Variants in TENM2 observed in about 807,000 individuals in gnomAD.
TENM2 encodes the protein teneurin transmembrane protein 2.
In TENM2, 52 loss-of-function variants were observed where a neutral mutation model predicts 245.2. The ratio of observed to expected loss-of-function variants is 0.21; its 90% CI spans 0.17 to 0.27. The LOEUF (loss-of-function observed/expected upper bound fraction) is 0.27. TENM2 is among the 10% of genes least tolerant of loss of function. The pLI, the probability that TENM2 is intolerant of heterozygous loss-of-function variation, is 1.00. For synonymous variants in TENM2, 1,363 were observed against 1,438.9 expected (o/e 0.95, Z 1.19); for missense variants, 3,046 against 3,666.8 (o/e 0.83, Z 4.37).
intron 24 of TENM2, 72 bp from the exon 27 acceptor site, chr5:168,227,823 G>C (rs1003337589): frequency 1.9e-6 from 2 of 1,031,772 alleles, no homozygotes; most frequent in East Asian, 2.6e-5. Flanking sequence ...AAAAATAGGG[G>C]TTCTATTCTC....
At chr5:167,041,209 C>G in the TENM2 span, among the ~76,000 whole-genome samples, 2 of 152,192 alleles carry the variant, frequency 1.3e-5, no homozygotes, top group Admixed American at 1.3e-4. Flanking sequence ...CCAGGTACTA[C>G]ACAGTAATAT....
the TENM2 span, among the ~76,000 whole-genome samples, chr5:167,076,242 T>C: frequency 6.6e-6 from 1 of 152,208 alleles, no homozygotes; most frequent in Admixed American, 6.5e-5. Flanking sequence ...AGGGCAGCCG[T>C]ACCTACTTTC....
chr5:167,249,701 G>GT, the TENM2 span, among the ~76,000 whole-genome samples: 1 of 152,122 alleles, frequency 6.6e-6, no homozygotes, highest in Non-Finnish European at 1.5e-5. Context: ...AGTGTGTGCT[G>GT]TGAAAGGATA....
At chr5:167,219,632 C>T in the TENM2 span, among the ~76,000 whole-genome samples, 1 of 152,208 alleles carries the variant, frequency 6.6e-6, no homozygotes, top group South Asian at 2.1e-4. Context: ...TCTTTAGAGA[C>T]AATTAAGCAT....
At chr5:167,214,757 G>A in the TENM2 span, among the ~76,000 whole-genome samples, 1 of 152,150 alleles carries the variant, frequency 6.6e-6, no homozygotes, top group Non-Finnish European at 1.5e-5. Context: ...TAAGGGACCC[G>A]ATGAATGAAT....
chr5:168,225,937 G>T, intron 23 of TENM2, 151 bp from the exon 26 acceptor site: 1 of 624,016 alleles, frequency 1.6e-6, no homozygotes, highest in South Asian at 2.2e-5. Context: ...GCATAATAGG[G>T]TTTTGACTGT....
rs948711982 is a variant in TENM2, at chr5:168,247,558, G to A, written c.6619G>A (p.Gly2207Arg). The A allele has an allele frequency of 1.2e-6, 2 of 1,612,794 alleles. No homozygotes were observed. Among genetic ancestry groups the A allele is most frequent in the African/African-American group, 1.3e-5 (1 of 74,916 alleles). ...CACGAAGTACACCTATGACTACGAT[G>A]GGGACGGGCAGCTCCAGAGCGTGGC... The change falls in exon 27 of 29, where the codon GGG (glycine) becomes AGG (arginine). Residue 2207 changes from glycine (G) to arginine (R), a missense_variant. By Grantham distance (125) the Gly-to-Arg change is moderately radical. Transcript: ENST00000518659. This position sits in a 1 kb window ranked among gnomAD's most constrained non-coding sequence, Gnocchi z 7.8.
At position 167,811,155 on chromosome 5, in the gene TENM2, A is replaced by G. The variant is rs182423541; in HGVS notation, c.503-64831A>G. Among the ~76,000 whole-genome samples the G allele has an allele frequency of 9.9e-5, 15 of 152,260 alleles. No homozygotes were observed. In the East Asian group the frequency reaches 2.1e-3, roughly 22 times the overall value. ...TAGAATTCTCAGGTAGGATTTGCAC[A>G]AACTGTGCATTTTAGTTCAGCAAAT... is the stretch of plus-strand genomic sequence containing the variant. On this transcript the variant is annotated intron_variant, in intron 2 of 28. Coordinates refer to ENST00000518659, the Ensembl canonical transcript of TENM2.
intron 2 of TENM2, among the ~76,000 whole-genome samples, chr5:167,732,268 T>C (rs1760490201): frequency 6.6e-6 from 1 of 152,166 alleles, no homozygotes; most frequent in Admixed American, 6.5e-5. Context: ...ATTACTGTGT[T>C]TGTGCTTATT....
At chr5:168,240,047 G>A (rs544655391) in intron 25 of TENM2, among the ~76,000 whole-genome samples, 1 of 152,170 alleles carries the variant, frequency 6.6e-6, no homozygotes, top group South Asian at 2.1e-4. Context: ...GCGAAACCCC[G>A]TCTCTACTAA....
At chr5:167,350,889 A>G (rs867664092) in intron 1 of TENM2, among the ~76,000 whole-genome samples, 1,463 of 41,284 alleles carry the variant, frequency 0.035, 174 homozygotes, top group East Asian at 0.099. Context: ...TATATATGGG[A>G]TGTATACATA....
At chr5:168,107,102 T>C (rs2152303810) in intron 9 of TENM2, among the ~76,000 whole-genome samples, 1 of 152,252 alleles carries the variant, frequency 6.6e-6, no homozygotes, top group Admixed American at 6.5e-5. Flanking sequence ...CAGAGCCTGA[T>C]GCTGTTACCC....
At chr5:167,984,766 G>T (rs1783111374) in intron 4 of TENM2, among the ~76,000 whole-genome samples, 1 of 152,210 alleles carries the variant, frequency 6.6e-6, no homozygotes, top group Non-Finnish European at 1.5e-5. Context: ...TGCTACTCAA[G>T]TAGGGCTCAG....
chr5:167,836,067 A>G (rs1046362131), intron 2 of TENM2, among the ~76,000 whole-genome samples: 1 of 152,212 alleles, frequency 6.6e-6, no homozygotes, highest in African/African-American at 2.4e-5. Context: ...GGGGAGAAGG[A>G]AGAAAGAGTT....
intron 3 of TENM2, among the ~76,000 whole-genome samples, chr5:167,933,213 G>T (rs947107426): frequency 6.6e-6 from 1 of 152,156 alleles, no homozygotes; most frequent in African/African-American, 2.4e-5. Flanking sequence ...GAAGGCATTT[G>T]CTCTATACTT....
chr5:168,198,294 C>A (rs111293251), intron 15 of TENM2, among the ~76,000 whole-genome samples: 1 of 146,146 alleles, frequency 6.8e-6, no homozygotes, highest in South Asian at 2.2e-4. Flanking sequence ...CTCCCAGGTT[C>A]AAGCAATTCT....
At chr5:167,048,399 A>G in the TENM2 span, among the ~76,000 whole-genome samples, 1 of 152,184 alleles carries the variant, frequency 6.6e-6, no homozygotes, top group South Asian at 2.1e-4. Context: ...GAAGGGTTTT[A>G]GTTATAAGGT....
At chr5:167,133,816 C>A in the TENM2 span, among the ~76,000 whole-genome samples, 1 of 149,132 alleles carries the variant, frequency 6.7e-6, no homozygotes, top group African/African-American at 2.5e-5. Flanking sequence ...TAATGTCATG[C>A]TTGGGGCGAA....
At chr5:167,336,913 C>G (rs1486879641) in intron 1 of TENM2, among the ~76,000 whole-genome samples, 13 of 150,016 alleles carry the variant, frequency 8.7e-5, no homozygotes, top group African/African-American at 3.2e-4. Context: ...GTCAGGAGAT[C>G]GAGACCATCC....
Sources: gnomAD v4.1 joint callset for allele counts (sites outside exome capture counted in the v4.1 genomes callset) on GRCh38, gnomAD v4.1.1 for gene constraint, Gnocchi (gnomAD v3.1) non-coding constraint, MANE v1.5 for transcripts, NCBI Gene and HGNC (gene_info 2026-07-23, HGNC 2026-07-21) for gene names.